The following ZNF804B variants were observed in gnomAD, a reference collection of about 807,000 sequenced individuals.
ZNF804B encodes zinc finger 804B.
ZNF804B carries 80 observed loss-of-function variants against 101.4 expected under a neutral mutation model. The ratio of observed to expected loss-of-function variants is 0.79; its 90% confidence interval spans 0.66 to 0.95. The LOEUF is 0.95. Among genes scored for constraint, ZNF804B ranks in the 40% least tolerant of loss-of-function variants. The pLI is 0.00. For synonymous variants in ZNF804B, 622 were observed against 558.8 expected (o/e 1.11, Z -1.59); for missense variants, 1,673 against 1,561.9 (o/e 1.07, Z -1.20).
intron 1 of ZNF804B, among the ~76,000 whole-genome samples, chr7:89,075,937 A>G (rs1240423652): frequency 2.6e-5 from 4 of 152,210 alleles, no homozygotes; most frequent in Admixed American, 6.5e-5. Context: ...TAAGATTTGC[A>G]TGGGGCCTGT....
intron 1 of ZNF804B, among the ~76,000 whole-genome samples, chr7:89,017,860 AT>A (rs555590732): frequency 1.3e-5 from 2 of 151,570 alleles, no homozygotes; most frequent in South Asian, 4.2e-4. Context: ...TTGTTGGTTG[AT>A]TTTTTTCTTC....
chr7:89,170,068 C>T (rs1350927083), intron 1 of ZNF804B, among the ~76,000 whole-genome samples: 1 of 152,146 alleles, frequency 6.6e-6, no homozygotes, highest in East Asian at 1.9e-4. Flanking sequence ...GACACTTAGA[C>T]CCCAGACTGT....
intron 2 of ZNF804B, among the ~76,000 whole-genome samples, chr7:89,263,763 T>C (rs143419772): frequency 1.1e-3 from 172 of 152,308 alleles, no homozygotes; most frequent in South Asian, 6.2e-3. Context: ...ATGGGAGTTA[T>C]GTGGTCACAA....
At chr7:88,784,407 C>T (rs1010035771) in intron 1 of ZNF804B, among the ~76,000 whole-genome samples, 6 of 152,038 alleles carry the variant, frequency 3.9e-5, no homozygotes, top group East Asian at 1.9e-4. Flanking sequence ...CATAGTCACT[C>T]GGGGACCTTT....
rs776336678 is a variant in ZNF804B, at chr7:89,170,082, G to T, written c.109-48073G>T. On this transcript the variant is annotated intron_variant, in intron 1 of 3. Coordinates refer to ENST00000333190, the MANE Select transcript of ZNF804B (RefSeq NM_181646.5). ...GGACACTTAGACCCCAGACTGTGCA[G>T]ATCTGTGGAATAGTTATTTAGAAGG... Among the ~76,000 whole-genome samples the T allele has an allele frequency of 4.5e-4, 68 of 152,200 alleles. 1 individual carries two copies. The highest frequency in any genetic ancestry group is 1.0e-4 in the Non-Finnish European group (7 of 68,038).
At chr7:88,907,975 A>G (rs540291559) in intron 1 of ZNF804B, among the ~76,000 whole-genome samples, 1 of 151,996 alleles carries the variant, frequency 6.6e-6, no homozygotes, top group African/African-American at 2.4e-5. Context: ...CTTTGTTATG[A>G]ATTAGAAGCT....
chr7:89,172,166 C>A (rs62463564), intron 1 of ZNF804B, among the ~76,000 whole-genome samples: 6 of 151,694 alleles, frequency 4.0e-5, no homozygotes, highest in Non-Finnish European at 8.8e-5. Flanking sequence ...ACTCAGAGAC[C>A]AATTGAAGAA....
intron 1 of ZNF804B, among the ~76,000 whole-genome samples, chr7:89,011,785 G>C (rs1316948727): frequency 1.3e-5 from 2 of 152,092 alleles, no homozygotes; most frequent in Non-Finnish European, 2.9e-5. Flanking sequence ...GCTTTTATGG[G>C]CTGGCTTTGA....
intron 1 of ZNF804B, among the ~76,000 whole-genome samples, chr7:89,050,258 A>G (rs1789178454): frequency 6.6e-6 from 1 of 152,140 alleles, no homozygotes; most frequent in African/African-American, 2.4e-5. Context: ...ATGCAGCATC[A>G]TGAACTTCCT....
At chr7:88,825,519 G>T (rs1044365673) in intron 1 of ZNF804B, among the ~76,000 whole-genome samples, 3 of 136,768 alleles carry the variant, frequency 2.2e-5, no homozygotes, top group African/African-American at 9.0e-5. Flanking sequence ...CACATGTACA[G>T]TTTCCCACAG....
intron 1 of ZNF804B, among the ~76,000 whole-genome samples, chr7:88,905,409 G>C (rs1792454390): frequency 6.6e-6 from 1 of 151,916 alleles, no homozygotes; most frequent in Non-Finnish European, 1.5e-5. Context: ...CCAGGCTGGA[G>C]TGCAGTAACA....
intron 1 of ZNF804B, among the ~76,000 whole-genome samples, chr7:89,209,477 A>AC (rs1327841417): frequency 1.3e-5 from 2 of 152,358 alleles, no homozygotes; most frequent in African/African-American, 4.8e-5. Context: ...TGGGAACAGC[A>AC]TTGGAAAACA....
chr7:88,898,004 A>T (rs1280715913), intron 1 of ZNF804B, among the ~76,000 whole-genome samples: 1 of 150,982 alleles, frequency 6.6e-6, no homozygotes, highest in Non-Finnish European at 1.5e-5. Context: ...TAAACCAGAA[A>T]TGTCCAAAAT....
chr7:89,289,668 C>T (rs1324442814), intron 2 of ZNF804B, among the ~76,000 whole-genome samples: 1 of 152,102 alleles, frequency 6.6e-6, no homozygotes, highest in African/African-American at 2.4e-5. Context: ...TTTAGACCAG[C>T]CCTACACGAA....
chr7:88,988,614 T>C (rs1308505893), intron 1 of ZNF804B, among the ~76,000 whole-genome samples: 1 of 152,088 alleles, frequency 6.6e-6, no homozygotes, highest in Non-Finnish European at 1.5e-5. Context: ...ACACAAAGAA[T>C]TATTTCATTA....
chr7:89,187,325 C>A (rs1201031678), intron 1 of ZNF804B, among the ~76,000 whole-genome samples: 1 of 152,096 alleles, frequency 6.6e-6, no homozygotes, highest in South Asian at 2.1e-4. Flanking sequence ...GGATCATATT[C>A]TTTCTCACCA....
At chr7:89,206,531 C>G (rs1788716711) in intron 1 of ZNF804B, among the ~76,000 whole-genome samples, 1 of 152,110 alleles carries the variant, frequency 6.6e-6, no homozygotes, top group Non-Finnish European at 1.5e-5. Context: ...GAGAGTGGAT[C>G]ACCTGAGGTC....
intron 1 of ZNF804B, among the ~76,000 whole-genome samples, chr7:88,801,532 T>A (rs1258178918): frequency 1.3e-5 from 2 of 152,108 alleles, no homozygotes; most frequent in Non-Finnish European, 2.9e-5. Context: ...ATCCCTCTTA[T>A]CTTCTGCCAG....
At chr7:88,858,045 A>G (rs1189271236) in intron 1 of ZNF804B, among the ~76,000 whole-genome samples, 2 of 151,102 alleles carry the variant, frequency 1.3e-5, no homozygotes, top group African/African-American at 4.9e-5. Flanking sequence ...CTGGTCTCCA[A>G]CTCCTGACCT....
Sources: gnomAD v4.1 joint callset for allele counts (sites outside exome capture counted in the v4.1 genomes callset) on GRCh38, gnomAD v4.1.1 for gene constraint, MANE v1.5 for transcripts, NCBI Gene and HGNC (gene_info 2026-07-23, HGNC 2026-07-21) for gene names.